The following INTS7 variants were observed in gnomAD, a reference collection of about 807,000 sequenced individuals.
INTS7 encodes the protein integrator complex subunit 7.
Under a neutral mutation model 109.2 loss-of-function variants are expected in INTS7, and 46 were observed. The observed-to-expected ratio is 0.42, with a 90% CI of 0.33 to 0.54. INTS7 has a LOEUF of 0.54. Ranked by LOEUF, INTS7 falls within the 20% of genes least tolerant of loss-of-function variation. The pLI is 0.07. For missense variants in INTS7, 929 were observed against 1,132.4 expected (o/e 0.82, Z 2.58); for synonymous variants, 412 against 402.9 (o/e 1.02, Z -0.27).
rs1662845735 is a variant in INTS7, at chr1:211,946,347, G to T, written c.2415+260C>A. Among the ~76,000 whole-genome samples, 1 of 152,212 alleles carries T rather than the reference G, an allele frequency of 6.6e-6. No individual in the cohort carries two copies. Among genetic ancestry groups the T allele is most frequent in the Non-Finnish European group, 1.5e-5 (1 of 68,038 alleles). ...AAAATAAAAAAATCAGCTGCGTGAG[G>T]TGGTGGATGCCTGTAATCCCAGTTC... On this transcript the variant is annotated intron_variant, in intron 18 of 19. Transcript: ENST00000366994. This position sits in a 1 kb window ranked among gnomAD's most constrained non-coding sequence, Gnocchi z 4.3.
In INTS7 at chr1:212,020,175, T is replaced by A; in HGVS notation, c.318A>T (p.Arg106Ser). The A allele has an allele frequency of 3.1e-6, 5 of 1,610,212 alleles. No individual in the cohort carries two copies. The highest frequency in any genetic ancestry group is 4.2e-6 in the Non-Finnish European group (5 of 1,177,614). The change falls in exon 3 of 20, where the codon AGA (arginine) becomes AGT (serine). Residue 106 changes from arginine to serine, a missense_variant. Physicochemically the swap from Arg to Ser is moderately radical, Grantham distance 110. Coordinates refer to ENST00000366994, the MANE Select transcript of INTS7 (RefSeq NM_015434.4). ...KILNVDEFVK[R>S]IFSVIHSNDP... ...CATTACTATGAATCACAGAAAAAAT[T>A]CTCTTCACAAATTCATCCACATTTA...
intron 4 of INTS7, among the ~76,000 whole-genome samples, chr1:212,013,046 T>C (rs1434621865): frequency 6.6e-6 from 1 of 152,174 alleles, no homozygotes; most frequent in Non-Finnish European, 1.5e-5. Flanking sequence ...AAAAGTACAG[T>C]CATGTGCAGC....
intron 12 of INTS7, 128 bp from the exon 13 acceptor site, chr1:211,975,500 CAT>C: frequency 1.5e-6 from 1 of 660,816 alleles, no homozygotes; most frequent in Non-Finnish European, 2.6e-6. Context: ...AATCATTCCT[CAT>C]ATTATGTAAT....
At chr1:211,988,090 A>G in intron 7 of INTS7, 87 bp from the exon 8 acceptor site, 1 of 667,144 alleles carries the variant, frequency 1.5e-6, no homozygotes, top group South Asian at 2.4e-5. Flanking sequence ...TCTGGCTTTT[A>G]GAAAAATTAT....
At chr1:211,997,360 T>C (rs1426733571) in intron 7 of INTS7, among the ~76,000 whole-genome samples, 1 of 150,702 alleles carries the variant, frequency 6.6e-6, no homozygotes, top group Admixed American at 6.6e-5. Flanking sequence ...GCCTGGGCAA[T>C]GTGGCAAAAT....
intron 15 of INTS7, among the ~76,000 whole-genome samples, chr1:211,967,198 C>T (rs984489339): frequency 1.3e-5 from 2 of 152,026 alleles, no homozygotes; most frequent in South Asian, 2.1e-4. Context: ...CACGGTGGCT[C>T]ACGTGTATAA....
chr1:211,949,107 TA>T (rs1240408908), intron 17 of INTS7, among the ~76,000 whole-genome samples: 1 of 152,258 alleles, frequency 6.6e-6, no homozygotes, highest in African/African-American at 2.4e-5. Context: ...AAATTCCACC[TA>T]ATAGTCCATA....
chr1:211,965,332 C>T (rs1663823289), intron 16 of INTS7, among the ~76,000 whole-genome samples: 1 of 152,144 alleles, frequency 6.6e-6, no homozygotes, highest in Non-Finnish European at 1.5e-5. Flanking sequence ...AAAGGGAACC[C>T]TTATACACTG....
rs759334184 is a variant in INTS7 at position 211,975,376 on chromosome 1, A to C, written c.1609-4T>G. ...CTTTGGCCATGTCATGATTACCCTA[A>C]AAACAAAAAAAGAAAAGAAAAAAGA... is the stretch of plus-strand genomic sequence containing the variant. On this transcript the variant is annotated splice_region_variant and splice_polypyrimidine_tract_variant and intron_variant, in intron 12 of 19. Coordinates refer to ENST00000366994, the MANE Select transcript of INTS7 (RefSeq NM_015434.4). 4 of 1,609,770 alleles carry C rather than the reference A, an allele frequency of 2.5e-6. No individual in the cohort carries two copies. In the South Asian group the frequency reaches 4.4e-5, roughly 18 times the overall value.
intron 1 of INTS7, among the ~76,000 whole-genome samples, chr1:212,022,296 A>T (rs1241796694): frequency 1.3e-5 from 2 of 152,236 alleles, no homozygotes; most frequent in African/African-American, 2.4e-5. Flanking sequence ...ACCATAAAAT[A>T]AAAAAGTGCT....
chr1:211,945,022 C>G, intron 18 of INTS7, 53 bp from the exon 19 acceptor site: 1 of 1,552,032 alleles, frequency 6.4e-7, no homozygotes, highest in South Asian at 1.1e-5. Context: ...AGCTTCCTTC[C>G]GACAAACATG....
At chr1:211,945,054 A>T (rs1267103172) in intron 18 of INTS7, 85 bp from the exon 19 acceptor site, 91 of 1,351,758 alleles carry the variant, frequency 6.7e-5, no homozygotes, top group Non-Finnish European at 9.2e-5. Context: ...CACTGGTTAC[A>T]GGTTAACAAA....
intron 10 of INTS7, among the ~76,000 whole-genome samples, chr1:211,980,746 C>T (rs1279592102): frequency 2.6e-5 from 4 of 152,126 alleles, no homozygotes; most frequent in Non-Finnish European, 5.9e-5. Context: ...GGCCTCATTT[C>T]ACATTTTAAA....
At chr1:212,001,363 T>G (rs1385374974) in intron 7 of INTS7, among the ~76,000 whole-genome samples, 2 of 152,164 alleles carry the variant, frequency 1.3e-5, no homozygotes, top group African/African-American at 4.8e-5. Context: ...GAATTCCTCT[T>G]AAAACGTTTT....
rs1341541417 is a variant in INTS7 at position 211,995,431 on chromosome 1, A to C, written c.880-7428T>G. Reference sequence around the variant, plus strand: ...TTCAGCATCAAAAGAGGTAAATCTAACTATAAGGATCATACCTAGATGACA... The same window carrying C: ...TTCAGCATCAAAAGAGGTAAATCTACCTATAAGGATCATACCTAGATGACA... On this transcript the variant is annotated intron_variant, in intron 7 of 19. Transcript: ENST00000366994. 2.6e-5 allele frequency among the ~76,000 whole-genome samples: 4 copies of C among 152,240 alleles called. 1 individual carries two copies. Among genetic ancestry groups the C allele is most frequent in the Non-Finnish European group, 5.9e-5 (4 of 68,038 alleles).
intron 17 of INTS7, among the ~76,000 whole-genome samples, chr1:211,951,402 G>A (rs1001150839): frequency 8.5e-5 from 13 of 152,076 alleles, no homozygotes; most frequent in African/African-American, 2.2e-4. Flanking sequence ...TCCGCCACCC[G>A]GTTCAAGCGA....
chr1:211,954,986 G>T (rs997478929), intron 16 of INTS7, among the ~76,000 whole-genome samples: 1 of 152,170 alleles, frequency 6.6e-6, no homozygotes, highest in African/African-American at 2.4e-5. Flanking sequence ...ATTACCTTGG[G>T]TAGTATGGCC....
intron 3 of INTS7, among the ~76,000 whole-genome samples, chr1:212,018,973 G>C (rs1291206527): frequency 3.3e-5 from 5 of 152,226 alleles, no homozygotes; most frequent in Non-Finnish European, 7.3e-5. Context: ...TTCTGGGACA[G>C]GTGCAGTGGC....
chr1:211,974,624 A>G (rs1199786237), intron 13 of INTS7, among the ~76,000 whole-genome samples: 1 of 152,190 alleles, frequency 6.6e-6, no homozygotes, highest in Admixed American at 6.5e-5. Context: ...TAGGAATATA[A>G]CTAATTTCAA....
Sources: allele counts gnomAD v4.1 joint callset (sites outside exome capture counted in the v4.1 genomes callset), GRCh38; gene constraint gnomAD v4.1.1; non-coding constraint Gnocchi (gnomAD v3.1); transcripts MANE v1.5; gene names NCBI Gene and HGNC (gene_info 2026-07-23, HGNC 2026-07-21).